The following STK26 variants were observed in gnomAD, a reference collection of about 807,000 sequenced individuals.
The protein encoded by STK26 is serine/threonine-protein kinase 26.
In STK26, 14 loss-of-function variants were observed where a neutral mutation model predicts 34.7. That is an observed-to-expected ratio of 0.40 (90% CI 0.27 to 0.63). The LOEUF (loss-of-function observed/expected upper bound fraction) is 0.63, where lower values mean the gene tolerates loss of function less well. Ranked by LOEUF, STK26 falls within the 30% of genes least tolerant of loss-of-function variation. The pLI is 0.38. For missense variants in STK26, 226 were observed against 309.1 expected (o/e 0.73, Z 2.02); for synonymous variants, 100 against 109.8 (o/e 0.91, Z 0.56).
Position 132,074,202 on chromosome X carries a change from C to A in STK26, c.*43C>A. The A allele has an allele frequency of 8.6e-7, 1 of 1,158,687 alleles. No individual in the cohort carries two copies. The highest frequency in any genetic ancestry group is 1.2e-6 in the Non-Finnish European group (1 of 857,276). ...TCTGTTTCATATGGACCCAGAGAGC[C>A]CCACCAAACCTACGTCAAGATTAAC... On this transcript the variant is annotated 3_prime_UTR_variant, in exon 12 of 12. Transcript: ENST00000394334.
chrX:132,063,754 G>A (rs961035714), intron 4 of STK26, among the ~76,000 whole-genome samples: 1 of 112,098 alleles, frequency 8.9e-6, no homozygotes, highest in Non-Finnish European at 1.9e-5. Flanking sequence ...AAGGGGATGT[G>A]TGTATCCATT....
At chrX:132,031,255 T>A (rs1398138704) in intron 2 of STK26, among the ~76,000 whole-genome samples, 3 of 112,169 alleles carry the variant, frequency 2.7e-5, no homozygotes, top group Non-Finnish European at 5.6e-5. Flanking sequence ...TATTTCAATA[T>A]ATGGATATGA....
At chrX:132,065,177 G>A (rs927415676) in intron 4 of STK26, among the ~76,000 whole-genome samples, 1 of 111,383 alleles carries the variant, frequency 9.0e-6, no homozygotes, top group African/African-American at 3.3e-5. Flanking sequence ...GTTTCTTTGT[G>A]TAATAATCCT....
At chrX:132,031,329 T>C (rs553723022) in intron 2 of STK26, among the ~76,000 whole-genome samples, 2 of 112,237 alleles carry the variant, frequency 1.8e-5, no homozygotes, top group East Asian at 2.8e-4. Flanking sequence ...CATTTTTTTG[T>C]GCTGTGAACA....
chrX:132,068,306 T>C lies in STK26; in HGVS notation c.422T>C (p.Ile141Thr). The C allele has an allele frequency of 8.3e-7, 1 of 1,202,858 alleles. No individual in the cohort carries two copies. The highest frequency in any genetic ancestry group is 1.1e-6 in the Non-Finnish European group (1 of 891,679). Reference sequence around the variant, plus strand: ...GACTATCTGCATTCAGAAAAGAAAATTCACCGAGACATAAAAGGTATACAA... The same window carrying C: ...GACTATCTGCATTCAGAAAAGAAAACTCACCGAGACATAAAAGGTATACAA... ...GLDYLHSEKKIHRDIKAANVL... is the reference protein window; with the variant it reads ...GLDYLHSEKKTHRDIKAANVL... The change falls in exon 5 of 12, where the codon ATT (isoleucine) becomes ACT (threonine). Residue 141 changes from isoleucine to threonine, a missense_variant. Coordinates refer to ENST00000394334, the MANE Select transcript of STK26 (RefSeq NM_016542.4).
At chrX:132,026,473 A>G (rs970147581) in intron 2 of STK26, among the ~76,000 whole-genome samples, 4 of 111,390 alleles carry the variant, frequency 3.6e-5, no homozygotes, top group Non-Finnish European at 5.7e-5. Flanking sequence ...CAGTAGCTGA[A>G]CTCTTGAAAA....
intron 4 of STK26, among the ~76,000 whole-genome samples, chrX:132,067,562 G>A (rs1298270107): frequency 9.0e-6 from 1 of 111,563 alleles, no homozygotes; most frequent in Non-Finnish European, 1.9e-5. Context: ...TACAGGGATG[G>A]GGAAATAAAG....
At chrX:132,030,571 A>T (rs1194162229) in intron 2 of STK26, among the ~76,000 whole-genome samples, 1 of 111,983 alleles carries the variant, frequency 8.9e-6, no homozygotes, top group Admixed American at 9.5e-5. Flanking sequence ...ACAGAGAATT[A>T]TACCTTAAGA....
intron 4 of STK26, among the ~76,000 whole-genome samples, chrX:132,066,533 T>C (rs1927230626): frequency 8.9e-6 from 1 of 111,852 alleles, no homozygotes; most frequent in Non-Finnish European, 1.9e-5. Flanking sequence ...ACATGGCAAG[T>C]TCTTCAGTTA....
chrX:132,025,529 T>C (rs1265393246), intron 2 of STK26, among the ~76,000 whole-genome samples: 1 of 111,576 alleles, frequency 9.0e-6, no homozygotes, highest in African/African-American at 3.3e-5. Context: ...CGAATGTGAA[T>C]CATATACTTT....
intron 2 of STK26, among the ~76,000 whole-genome samples, chrX:132,026,630 A>T (rs970963970): frequency 4.4e-5 from 5 of 112,565 alleles, no homozygotes; most frequent in Admixed American, 9.4e-5. Flanking sequence ...TAGAGCCTAC[A>T]ATAGTATTTT....
chrX:132,031,701 A>G (rs1159382465), intron 2 of STK26, among the ~76,000 whole-genome samples: 2 of 112,059 alleles, frequency 1.8e-5, no homozygotes, highest in Non-Finnish European at 3.8e-5. Flanking sequence ...TCTTAACCCT[A>G]TCTTCTGTGC....
intron 2 of STK26, among the ~76,000 whole-genome samples, chrX:132,039,757 A>C (rs1380619182): frequency 8.9e-6 from 1 of 111,914 alleles, no homozygotes; most frequent in African/African-American, 3.2e-5. Flanking sequence ...GTTCTTTGAA[A>C]TTTTGAATTT....
At chrX:132,031,617 A>G (rs1240379618) in intron 2 of STK26, among the ~76,000 whole-genome samples, 1 of 111,976 alleles carries the variant, frequency 8.9e-6, no homozygotes, top group Non-Finnish European at 1.9e-5. Flanking sequence ...GTTGCTGTGA[A>G]TAACAGGATC....
At chrX:132,067,532 G>T (rs1285771795) in intron 4 of STK26, among the ~76,000 whole-genome samples, 1 of 111,897 alleles carries the variant, frequency 8.9e-6, no homozygotes, top group African/African-American at 3.2e-5. Flanking sequence ...TTGTATTCCA[G>T]TTGGAACTAT....
At chrX:132,063,342 T>C in intron 3 of STK26, 91 bp from the exon 4 acceptor site, 1 of 779,388 alleles carries the variant, frequency 1.3e-6, no homozygotes, top group Non-Finnish European at 1.9e-6. Context: ...GCAAATAGAA[T>C]CTGTGCTTTA....
intron 2 of STK26, among the ~76,000 whole-genome samples, chrX:132,054,065 T>C (rs1245251790): frequency 8.9e-6 from 1 of 112,062 alleles, no homozygotes; most frequent in African/African-American, 3.2e-5. Flanking sequence ...TTAGTTCAGC[T>C]ATTGATGATA....
intron 11 of STK26, 131 bp from the exon 12 acceptor site, chrX:132,074,004 A>G (rs1157132630): frequency 6.0e-6 from 3 of 503,965 alleles, no homozygotes; most frequent in African/African-American, 4.9e-5. Context: ...TTTAACATCT[A>G]CATGATAAGA....
intron 4 of STK26, among the ~76,000 whole-genome samples, chrX:132,065,796 T>G (rs917322103): frequency 8.9e-6 from 1 of 112,327 alleles, no homozygotes; most frequent in African/African-American, 3.2e-5. Context: ...AGAAATTGAA[T>G]CAGTAATCTC....
Sources: allele counts gnomAD v4.1 joint callset (sites outside exome capture counted in the v4.1 genomes callset), GRCh38; gene constraint gnomAD v4.1.1; transcripts MANE v1.5; gene names NCBI Gene and HGNC (gene_info 2026-07-23, HGNC 2026-07-21).